The following LOC400499 variants were observed in gnomAD, a reference collection of about 807,000 sequenced individuals.
At chr16:11,419,712 G>T in the LOC400499 span, among the ~76,000 whole-genome samples, 2 of 151,956 alleles carry the variant, frequency 1.3e-5, no homozygotes, top group Non-Finnish European at 1.5e-5. Context: ...TCTGACAAAG[G>T]GCTAATATCC....
At chr16:11,514,208 GC>G in the LOC400499 span, among the ~76,000 whole-genome samples, 3,231 of 152,290 alleles carry the variant, frequency 0.021, 59 homozygotes, top group Admixed American at 0.037. Flanking sequence ...TCTAGAAGTG[GC>G]TAACTCTCCT....
the LOC400499 span, among the ~76,000 whole-genome samples, chr16:11,457,591 CA>C: frequency 0.43 from 41,788 of 96,976 alleles, 6,322 homozygotes; most frequent in Non-Finnish European, 0.49. Context: ...GACTCCATCT[CA>C]AAAAAAAAAA....
At chr16:11,429,066 A>G in the LOC400499 span, among the ~76,000 whole-genome samples, 2 of 152,142 alleles carry the variant, frequency 1.3e-5, no homozygotes, top group African/African-American at 4.8e-5. Context: ...GAGGTTAAGG[A>G]AGGAAAGAAG....
the LOC400499 span, among the ~76,000 whole-genome samples, chr16:11,401,752 G>A: frequency 3.3e-5 from 5 of 152,326 alleles, no homozygotes; most frequent in East Asian, 3.9e-4. Flanking sequence ...TAATAGCGCC[G>A]AGCAGATGGG....
At chr16:11,377,951 A>C in the LOC400499 span, among the ~76,000 whole-genome samples, 1 of 152,158 alleles carries the variant, frequency 6.6e-6, no homozygotes, top group African/African-American at 2.4e-5. Flanking sequence ...TTGGTCTCTG[A>C]TTCAATCTCC....
the LOC400499 span, chr16:11,478,795 C>A: frequency 1.1e-4 from 42 of 397,810 alleles, no homozygotes; most frequent in Non-Finnish European, 1.8e-4. Context: ...ATAATTCCCA[C>A]ATGCTGTGGG....
At chr16:11,436,874 G>A in the LOC400499 span, among the ~76,000 whole-genome samples, 8 of 152,174 alleles carry the variant, frequency 5.3e-5, no homozygotes, top group Admixed American at 2.0e-4. Context: ...GATTACAGGC[G>A]TGAGCTACCA....
At chr16:11,471,992 G>A in the LOC400499 span, 7,002 of 395,860 alleles carry the variant, frequency 0.018, 79 homozygotes, top group Non-Finnish European at 0.024. Context: ...GGGTTTCTCT[G>A]CCTCAGCACT....
the LOC400499 span, among the ~76,000 whole-genome samples, chr16:11,412,581 A>G: frequency 6.6e-6 from 1 of 152,236 alleles, no homozygotes; most frequent in African/African-American, 2.4e-5. Context: ...AGTAATAGTT[A>G]TTAATAAGTG....
chr16:11,376,293 T>G, the LOC400499 span, among the ~76,000 whole-genome samples: 7 of 152,326 alleles, frequency 4.6e-5, no homozygotes, highest in African/African-American at 1.7e-4. Flanking sequence ...CCTACTGTGT[T>G]TTAAGAGTTG....
the LOC400499 span, among the ~76,000 whole-genome samples, chr16:11,405,715 C>T: frequency 2.0e-5 from 3 of 152,284 alleles, no homozygotes; most frequent in Middle Eastern, 3.4e-3. Flanking sequence ...CCTGCCCCTG[C>T]CCATTATGGG....
At chr16:11,498,002 C>G in the LOC400499 span, among the ~76,000 whole-genome samples, 3 of 152,282 alleles carry the variant, frequency 2.0e-5, no homozygotes, top group East Asian at 5.8e-4. Flanking sequence ...GCTGATTTCA[C>G]TTTTCCAACA....
At chr16:11,431,119 C>T in the LOC400499 span, 4 of 398,964 alleles carry the variant, frequency 1.0e-5, no homozygotes, top group African/African-American at 2.1e-5. Flanking sequence ...CACCGTGTGC[C>T]GGGTTTGGCT....
At chr16:11,465,744 C>T in the LOC400499 span, among the ~76,000 whole-genome samples, 2 of 145,410 alleles carry the variant, frequency 1.4e-5, no homozygotes, top group African/African-American at 5.1e-5. Flanking sequence ...CAGAATAAGA[C>T]CTTGTAAAAG....
At chr16:11,417,252 G>C in the LOC400499 span, among the ~76,000 whole-genome samples, 2 of 151,992 alleles carry the variant, frequency 1.3e-5, no homozygotes, top group Non-Finnish European at 2.9e-5. Context: ...TTTGAGACAG[G>C]GTCTCATTCT....
At chr16:11,477,617 T>C in the LOC400499 span, among the ~76,000 whole-genome samples, 1 of 152,234 alleles carries the variant, frequency 6.6e-6, no homozygotes, top group Non-Finnish European at 1.5e-5. Flanking sequence ...CTTGAACATG[T>C]GACTGGACCT....
At chr16:11,423,363 A>T in the LOC400499 span, 14 of 398,188 alleles carry the variant, frequency 3.5e-5, no homozygotes, top group Non-Finnish European at 5.3e-5. Flanking sequence ...TGGGGAAGCC[A>T]CCATGGGCAA....
chr16:11,469,590 G>T, the LOC400499 span: 1 of 399,072 alleles, frequency 2.5e-6, no homozygotes, highest in East Asian at 3.6e-5. Flanking sequence ...TGTCCACCCC[G>T]ACGTCCCTCA....
At chr16:11,474,171 T>C in the LOC400499 span, among the ~76,000 whole-genome samples, 1 of 152,220 alleles carries the variant, frequency 6.6e-6, no homozygotes, top group Non-Finnish European at 1.5e-5. Context: ...AGTCAATATT[T>C]TATGCTTTGC....
Sources: gnomAD v4.1 joint callset for allele counts (sites outside exome capture counted in the v4.1 genomes callset) on GRCh38, gnomAD v4.1.1 for gene constraint, MANE v1.5 for transcripts.